ZMYM2: variants seen among roughly 807,000 people sequenced by gnomAD.
ZMYM2 encodes the protein zinc finger MYM-type containing 2, also known as zinc finger MYM-type protein 2.
Under a neutral mutation model 162.8 loss-of-function variants are expected in ZMYM2, and 56 were observed. The observed-to-expected ratio is 0.34, with a 90% CI of 0.28 to 0.43. The LOEUF is 0.43. Among genes scored for constraint, ZMYM2 ranks in the 20% least tolerant of loss-of-function variants. ZMYM2 has a pLI of 1.00. For missense variants in ZMYM2, 1,275 were observed against 1,621.8 expected (o/e 0.79, Z 3.67); for synonymous variants, 510 against 541.6 (o/e 0.94, Z 0.81).
the ZMYM2 span, among the ~76,000 whole-genome samples, chr13:19,947,546 G>T: frequency 6.8e-6 from 1 of 148,038 alleles, no homozygotes; most frequent in Non-Finnish European, 1.5e-5. Context: ...TGCAACTTCC[G>T]CCTCTGGGTT....
rs563252248 is a variant in ZMYM2, at chr13:20,012,746, C to T, written c.1512+6160C>T. On this transcript the variant is annotated intron_variant, in intron 6 of 24. Transcript: ENST00000610343. ...TGTTGATGAAGGGATTATTCTTTCTCTGTGGAATGGACTTATCACACTTGT... is the reference window on the plus strand; with the variant it reads ...TGTTGATGAAGGGATTATTCTTTCTTTGTGGAATGGACTTATCACACTTGT... 7.7e-4 allele frequency among the ~76,000 whole-genome samples: 117 copies of T among 152,272 alleles called. 1 individual carries two copies. Among genetic ancestry groups the T allele is most frequent in the African/African-American group, 2.8e-3 (115 of 41,574 alleles).
At chr13:19,972,853 C>T (rs2139312590) in intron 2 of ZMYM2, among the ~76,000 whole-genome samples, 1 of 151,624 alleles carries the variant, frequency 6.6e-6, no homozygotes, top group East Asian at 1.9e-4. Context: ...TAATGTGTTC[C>T]CTCTGAAGTA....
the ZMYM2 span, among the ~76,000 whole-genome samples, chr13:19,903,786 C>T: frequency 1.3e-5 from 2 of 151,652 alleles, no homozygotes; most frequent in African/African-American, 4.8e-5. Flanking sequence ...AAAGTCAAGG[C>T]TGCAGTGAGC....
chr13:20,046,554 T>TA (rs137929093), intron 12 of ZMYM2, among the ~76,000 whole-genome samples: 6,817 of 75,806 alleles, frequency 0.09, 359 homozygotes, highest in South Asian at 0.24. Flanking sequence ...ACTTTGTCTC[T>TA]AAAAAAAAAA....
chr13:20,012,366 G>A (rs187971464), intron 6 of ZMYM2, among the ~76,000 whole-genome samples: 2 of 152,194 alleles, frequency 1.3e-5, no homozygotes, highest in African/African-American at 2.4e-5. Flanking sequence ...TTTTAGTAGA[G>A]TTGGGGTTTC....
chr13:20,086,810 A>C lies in ZMYM2; in HGVS notation c.*796A>C, dbSNP rs1255015261. Reference sequence around the variant, plus strand: ...ATATATATATATATAAATGATTGTAAGTTGAAAACAAGATCATCAAGACAT... The same window carrying C: ...ATATATATATATATAAATGATTGTACGTTGAAAACAAGATCATCAAGACAT... On this transcript the variant is annotated 3_prime_UTR_variant, in exon 25 of 25. Coordinates refer to ENST00000610343, the MANE Select transcript of ZMYM2 (RefSeq NM_197968.4). 6.6e-6 allele frequency: 1 copy of C among 150,962 alleles called. No homozygotes were observed. Among genetic ancestry groups the C allele is most frequent in the African/African-American group, 2.5e-5 (1 of 39,952 alleles). The allele number at this position is 150,962 out of a possible 1,614,324, so 9.4% of individuals were successfully genotyped here.
At position 20,037,901 on chromosome 13, in the gene ZMYM2, A is replaced by C. The variant is rs571550408; in HGVS notation, c.2292+992A>C. 9.9e-5 allele frequency among the ~76,000 whole-genome samples: 15 copies of C among 152,282 alleles called. No homozygotes were observed. The South Asian group carries it at 1.4e-3, about 15-fold the overall frequency. ...CTGATTATTTTATCACCCAGATATT[A>C]AGCCTAGTACCCATTAGTTATTTTT... On this transcript the variant is annotated intron_variant, in intron 12 of 24. Transcript: ENST00000610343.
At chr13:19,889,796 CTG>C in the ZMYM2 span, among the ~76,000 whole-genome samples, 5 of 151,738 alleles carry the variant, frequency 3.3e-5, no homozygotes, top group African/African-American at 1.2e-4. Context: ...TCCATCCTAG[CTG>C]TTCTGTATCA....
chr13:20,080,589 A>G (rs1957846127), intron 21 of ZMYM2, among the ~76,000 whole-genome samples: 1 of 151,992 alleles, frequency 6.6e-6, no homozygotes, highest in Non-Finnish European at 1.5e-5. Flanking sequence ...TCCCAGGCTC[A>G]AGTGATTCTC....
chr13:20,069,687 T>C (rs1203754893), intron 21 of ZMYM2, among the ~76,000 whole-genome samples: 1 of 152,088 alleles, frequency 6.6e-6, no homozygotes, highest in Non-Finnish European at 1.5e-5. Flanking sequence ...GATAATGTTA[T>C]CCTTTTTATA....
chr13:19,955,138 AATTATTATTATT>A (rs58375933), upstream of ZMYM2, among the ~76,000 whole-genome samples: 1 of 149,658 alleles, frequency 6.7e-6, no homozygotes, highest in African/African-American at 2.5e-5. Flanking sequence ...TAGTTACTGC[AATTATTATTATT>A]ATTATTATTA....
chr13:20,012,309 A>G (rs933325053), intron 6 of ZMYM2, among the ~76,000 whole-genome samples: 3 of 152,074 alleles, frequency 2.0e-5, no homozygotes, highest in African/African-American at 7.2e-5. Context: ...CCAAGTAGCT[A>G]GGACTATAGG....
the ZMYM2 span, among the ~76,000 whole-genome samples, chr13:19,921,642 A>C: frequency 6.6e-6 from 1 of 152,096 alleles, no homozygotes; most frequent in Non-Finnish European, 1.5e-5. Flanking sequence ...AATTGTTCCC[A>C]CCTCAAAATT....
intron 2 of ZMYM2, among the ~76,000 whole-genome samples, chr13:19,986,075 G>A (rs1441418686): frequency 2.0e-5 from 3 of 151,926 alleles, no homozygotes; most frequent in South Asian, 2.1e-4. Flanking sequence ...TGTGGTCCCC[G>A]TTACTCAGGA....
chr13:20,076,467 A>T (rs1957511141), intron 21 of ZMYM2, among the ~76,000 whole-genome samples: 1 of 150,548 alleles, frequency 6.6e-6, no homozygotes. Context: ...CTTTCCCAAA[A>T]TGTTTGAGGA....
At chr13:19,877,272 G>A in the ZMYM2 span, among the ~76,000 whole-genome samples, 21 of 151,922 alleles carry the variant, frequency 1.4e-4, no homozygotes, top group Non-Finnish European at 2.5e-4. Context: ...CTGAGAAGTT[G>A]AAGGGGCATG....
At chr13:19,956,098 G>A (rs1219730131), upstream of ZMYM2, among the ~76,000 whole-genome samples, 3 of 152,146 alleles carry the variant, frequency 2.0e-5, no homozygotes, top group Admixed American at 1.3e-4. Context: ...TAGAACACTT[G>A]AGTCACTCCA....
intron 10 of ZMYM2, among the ~76,000 whole-genome samples, chr13:20,031,948 G>T (rs1228034062): frequency 7.1e-6 from 1 of 140,606 alleles, no homozygotes; most frequent in African/African-American, 2.7e-5. Flanking sequence ...TCGGCTCACT[G>T]CAATCTCTGT....
At chr13:20,036,646 G>GA (rs1953731716) in intron 11 of ZMYM2, 91 bp from the exon 12 acceptor site, 1 of 1,113,160 alleles carries the variant, frequency 9.0e-7, no homozygotes, top group African/African-American at 1.6e-5. Context: ...ATCAGGAGAG[G>GA]AAAAATCTTG....
Sources: gnomAD v4.1 joint callset for allele counts (sites outside exome capture counted in the v4.1 genomes callset) on GRCh38, gnomAD v4.1.1 for gene constraint, MANE v1.5 for transcripts, NCBI Gene and HGNC (gene_info 2026-07-23, HGNC 2026-07-21) for gene names.